The following SLCO2A1 variants were observed in gnomAD, a reference collection of about 807,000 sequenced individuals.
SLCO2A1 encodes solute carrier organic anion transporter family member 2A1.
A neutral mutation model predicts 71.7 loss-of-function variants in SLCO2A1; 60 were observed. The observed-to-expected ratio is 0.84, with a 90% CI of 0.68 to 1.04. The LOEUF is 1.04. Ranked by LOEUF, SLCO2A1 falls within the 50% of genes least tolerant of loss-of-function variation. The probability of loss-of-function intolerance (pLI) is 0.00; values close to 1 mark genes in which losing one functional copy is unlikely to be tolerated. For missense variants in SLCO2A1, 745 were observed against 813.4 expected (o/e 0.92, Z 1.02); for synonymous variants, 308 against 326.7 (o/e 0.94, Z 0.62).
chr3:134,004,603 G>A (rs2108071579), intron 1 of SLCO2A1, among the ~76,000 whole-genome samples: 1 of 152,244 alleles, frequency 6.6e-6, no homozygotes, highest in Non-Finnish European at 1.5e-5. Context: ...TAAAGTGTTG[G>A]GATTACAGGT....
intron 1 of SLCO2A1, among the ~76,000 whole-genome samples, chr3:134,023,143 AACAAACAAAC>A (rs1362252561): frequency 1.8e-4 from 27 of 151,964 alleles, no homozygotes; most frequent in African/African-American, 6.3e-4. Context: ...CAAACAAACA[AACAAACAAAC>A]AAAAGAATGG....
chr3:133,979,646 G>A, intron 1 of SLCO2A1, 28 bp from the exon 2 acceptor site: 1 of 1,575,314 alleles, frequency 6.3e-7, no homozygotes, highest in Non-Finnish European at 8.6e-7. Flanking sequence ...GGCCCGTGAG[G>A]TTTCTGGACG....
chr3:134,017,246 G>A (rs901819925), intron 1 of SLCO2A1, among the ~76,000 whole-genome samples: 1 of 152,174 alleles, frequency 6.6e-6, no homozygotes, highest in African/African-American at 2.4e-5. Context: ...TGCAACCACT[G>A]GCAGAAACTA....
intron 1 of SLCO2A1, among the ~76,000 whole-genome samples, chr3:134,021,798 T>C (rs1392067879): frequency 6.8e-6 from 1 of 147,466 alleles, no homozygotes; most frequent in Non-Finnish European, 1.5e-5. Context: ...CCAAGGTAAA[T>C]TTAAAACCTA....
At chr3:134,014,980 A>G (rs1057497126) in intron 1 of SLCO2A1, among the ~76,000 whole-genome samples, 1 of 152,216 alleles carries the variant, frequency 6.6e-6, no homozygotes, top group Non-Finnish European at 1.5e-5. Context: ...GAGCACATAA[A>G]TACATAAGAT....
At chr3:133,977,733 A>C (rs1017655583) in intron 2 of SLCO2A1, among the ~76,000 whole-genome samples, 3 of 152,146 alleles carry the variant, frequency 2.0e-5, no homozygotes, top group Non-Finnish European at 4.4e-5. Flanking sequence ...GTTTTCCCTG[A>C]TATCCATCAT....
At chr3:133,963,586 A>T (rs1341251811) in intron 3 of SLCO2A1, among the ~76,000 whole-genome samples, 1 of 152,224 alleles carries the variant, frequency 6.6e-6, no homozygotes, top group Non-Finnish European at 1.5e-5. Flanking sequence ...AGAGCCACCC[A>T]TCCCCTCCCT....
At chr3:133,956,784 C>G (rs1933909372) in intron 3 of SLCO2A1, among the ~76,000 whole-genome samples, 2 of 152,094 alleles carry the variant, frequency 1.3e-5, no homozygotes, top group African/African-American at 4.8e-5. Flanking sequence ...AAAATAGTAA[C>G]TAGTAGCTTG....
At chr3:133,941,153 T>C (rs1440794029) in intron 11 of SLCO2A1, among the ~76,000 whole-genome samples, 1 of 152,220 alleles carries the variant, frequency 6.6e-6, no homozygotes, top group Non-Finnish European at 1.5e-5. Context: ...CACACTAACT[T>C]GATAGCTCAC....
intron 3 of SLCO2A1, among the ~76,000 whole-genome samples, chr3:133,966,316 A>T (rs188109503): frequency 6.6e-6 from 1 of 152,270 alleles, no homozygotes; most frequent in East Asian, 1.9e-4. Context: ...ATGTCTGTTG[A>T]CCCCTGGTCT....
chr3:134,007,982 C>A (rs74974618), intron 1 of SLCO2A1, among the ~76,000 whole-genome samples: 173 of 152,270 alleles, frequency 1.1e-3, no homozygotes, highest in Non-Finnish European at 2.2e-3. Context: ...AGGAGGGATT[C>A]CATGTGAACC....
chr3:133,936,048 T>C (rs146801467), intron 12 of SLCO2A1, 151 bp from the exon 13 acceptor site: 1 of 754,212 alleles, frequency 1.3e-6, no homozygotes. Flanking sequence ...GAAAGCAGAA[T>C]AGCTTTCAGT....
intron 7 of SLCO2A1, 74 bp from the exon 8 acceptor site, chr3:133,948,774 C>G: frequency 6.3e-7 from 1 of 1,594,470 alleles, no homozygotes; most frequent in Non-Finnish European, 8.6e-7. Context: ...GGGCCAGTTA[C>G]AGGCCCTCTG....
In SLCO2A1 at chr3:134,029,689, C is replaced by T; in HGVS notation, c.96+18G>A. On this transcript the variant is annotated intron_variant, in intron 1 of 13. Coordinates refer to ENST00000310926, the MANE Select transcript of SLCO2A1 (RefSeq NM_005630.3). ...CAGGCGCGGCTCCGGCCCGGAAGAC[C>T]CCGCGGACTCCGCTCACCTTAATGT... is the stretch of plus-strand genomic sequence containing the variant. 1 of 1,564,228 alleles carries T rather than the reference C, an allele frequency of 6.4e-7. No homozygotes were observed. The highest frequency in any genetic ancestry group is 1.2e-5 in the South Asian group (1 of 86,062).
At chr3:133,948,453 G>T (rs1018657986) in intron 8 of SLCO2A1, 83 bp downstream of exon 8, 2 of 1,423,612 alleles carry the variant, frequency 1.4e-6, no homozygotes, top group Non-Finnish European at 1.9e-6. Flanking sequence ...TCTGGCCTGC[G>T]CCCATCCCTG....
chr3:134,027,632 C>T (rs116146327), intron 1 of SLCO2A1, among the ~76,000 whole-genome samples: 14,989 of 152,180 alleles, frequency 0.098, 897 homozygotes, highest in East Asian at 0.22. Context: ...GTCTGTGGCT[C>T]GTCCTGCTAC....
intron 11 of SLCO2A1, among the ~76,000 whole-genome samples, chr3:133,940,442 A>G (rs1559928324): frequency 6.6e-6 from 1 of 152,196 alleles, no homozygotes. Context: ...CCTGTGGTTG[A>G]AATGATGCTC....
At chr3:133,969,969 G>T (rs1226703369) in intron 3 of SLCO2A1, among the ~76,000 whole-genome samples, 3 of 152,156 alleles carry the variant, frequency 2.0e-5, no homozygotes, top group African/African-American at 7.2e-5. Flanking sequence ...ATGCAGCAGG[G>T]ACCATGCCAA....
intron 11 of SLCO2A1, among the ~76,000 whole-genome samples, chr3:133,938,884 G>A (rs1933343711): frequency 6.6e-6 from 1 of 152,070 alleles, no homozygotes; most frequent in African/African-American, 2.4e-5. Context: ...GGGCAGTAGA[G>A]GCTAGGAGTG....
Sources: allele counts gnomAD v4.1 joint callset (sites outside exome capture counted in the v4.1 genomes callset), GRCh38; gene constraint gnomAD v4.1.1; transcripts MANE v1.5; gene names NCBI Gene and HGNC (gene_info 2026-07-23, HGNC 2026-07-21).